Variants in PLCB1 observed in about 807,000 individuals in gnomAD.
PLCB1 encodes the protein 1-phosphatidylinositol 4,5-bisphosphate phosphodiesterase beta-1.
A neutral mutation model predicts 161.8 loss-of-function variants in PLCB1; 46 were observed. The ratio of observed to expected loss-of-function variants is 0.28; its 90% CI spans 0.22 to 0.36. The LOEUF (loss-of-function observed/expected upper bound fraction) is 0.36, where lower values mean the gene tolerates loss of function less well. Among genes scored for constraint, PLCB1 ranks in the 10% least tolerant of loss-of-function variants. PLCB1 has a pLI of 1.00. For synonymous variants in PLCB1, 517 were observed against 503.7 expected, an observed-to-expected ratio of 1.03 and a Z score of -0.35; for missense variants, 1,016 against 1,472.5, an observed-to-expected ratio of 0.69 and a Z score of 5.07.
At chr20:8,464,925 T>C (rs943776546) in intron 3 of PLCB1, among the ~76,000 whole-genome samples, 1 of 152,190 alleles carries the variant, frequency 6.6e-6, no homozygotes, top group Non-Finnish European at 1.5e-5. Flanking sequence ...TGGTTTTTAA[T>C]TTTAATTACC....
chr20:8,708,967 A>G (rs1282087461), intron 12 of PLCB1, among the ~76,000 whole-genome samples: 1 of 152,212 alleles, frequency 6.6e-6, no homozygotes, highest in African/African-American at 2.4e-5. Flanking sequence ...TTTTCATACC[A>G]TAGTATGGTT....
chr20:8,805,795 A>G (rs1164403355), intron 31 of PLCB1, among the ~76,000 whole-genome samples: 1 of 152,200 alleles, frequency 6.6e-6, no homozygotes, highest in African/African-American at 2.4e-5. Flanking sequence ...TATGATCTAG[A>G]TGTCAAAGTA....
chr20:8,383,617 C>A (rs1416976374), intron 3 of PLCB1, among the ~76,000 whole-genome samples: 1 of 152,170 alleles, frequency 6.6e-6, no homozygotes, highest in Admixed American at 6.5e-5. Flanking sequence ...GATGCAGTTT[C>A]TTCATAGTGT....
chr20:8,360,447 A>G (rs937251422), intron 2 of PLCB1, among the ~76,000 whole-genome samples: 6 of 152,146 alleles, frequency 3.9e-5, no homozygotes, highest in African/African-American at 1.4e-4. Context: ...TTTTTCAATC[A>G]TTCATAGTTC....
At chr20:8,878,820 G>C (rs1987870958) in intron 31 of PLCB1, among the ~76,000 whole-genome samples, 1 of 151,388 alleles carries the variant, frequency 6.6e-6, no homozygotes, top group Non-Finnish European at 1.5e-5. Context: ...GAAGGTACAT[G>C]TACAGGTTTG....
intron 10 of PLCB1, among the ~76,000 whole-genome samples, chr20:8,690,559 T>C (rs1358848510): frequency 6.6e-6 from 1 of 152,132 alleles, no homozygotes; most frequent in African/African-American, 2.4e-5. Context: ...TGGGTGGCAG[T>C]AGTTGGTCCA....
chr20:8,147,102 G>C (rs1236344803), intron 1 of PLCB1, among the ~76,000 whole-genome samples: 3 of 152,190 alleles, frequency 2.0e-5, no homozygotes, highest in Non-Finnish European at 2.9e-5. Flanking sequence ...ACCTATTGTA[G>C]GCCTACATCC....
chr20:8,750,953 T>TTTTTTTG (rs1981435750), intron 23 of PLCB1: 1 of 849,578 alleles, frequency 1.2e-6, no homozygotes, highest in African/African-American at 1.9e-5. Flanking sequence ...TTTTTTTTTT[T>TTTTTTTG]GAGACGGAGT....
In PLCB1 at chr20:8,392,509, A is replaced by T. The variant is rs539200835; in HGVS notation, c.246+21059A>T. On this transcript the variant is annotated intron_variant, in intron 3 of 31. Transcript: ENST00000338037. The stretch of plus-strand genomic sequence containing the variant: ...CTGATGGAATAACCTGGGTAGAGTC[A>T]TACCATCTTTTAGGAATCTCACCTT... 7.9e-5 allele frequency among the ~76,000 whole-genome samples: 12 copies of T among 152,298 alleles called. No individual in the cohort carries two copies. In the South Asian group the frequency reaches 1.7e-3, roughly 21 times the overall value.
At chr20:8,601,363 T>C (rs1337349189) in intron 3 of PLCB1, among the ~76,000 whole-genome samples, 1 of 152,150 alleles carries the variant, frequency 6.6e-6, no homozygotes, top group Non-Finnish European at 1.5e-5. Context: ...CTTGATCCTC[T>C]TTCTCCTCCC....
chr20:8,252,798 A>C (rs6086377), intron 2 of PLCB1, among the ~76,000 whole-genome samples: 51,595 of 151,738 alleles, frequency 0.34, 8,819 homozygotes, highest in East Asian at 0.44. Context: ...AGGGAACAGC[A>C]TTAAGCTATG....
intron 3 of PLCB1, among the ~76,000 whole-genome samples, chr20:8,612,353 T>A (rs1024724004): frequency 6.6e-6 from 1 of 152,278 alleles, no homozygotes; most frequent in South Asian, 2.1e-4. Context: ...TGGGATTCTA[T>A]GACATAAAGA....
intron 3 of PLCB1, among the ~76,000 whole-genome samples, chr20:8,580,180 C>T (rs1986789748): frequency 6.6e-6 from 1 of 152,164 alleles, no homozygotes; most frequent in Admixed American, 6.5e-5. Context: ...CTTCCAGTGT[C>T]AGCGAACTCC....
chr20:8,818,090 C>T (rs1463946496), intron 31 of PLCB1, among the ~76,000 whole-genome samples: 6 of 152,030 alleles, frequency 3.9e-5, no homozygotes, highest in South Asian at 4.2e-4. Flanking sequence ...GAGGTGAGAG[C>T]AAATAGGTAC....
chr20:8,291,540 A>G (rs1235958984), intron 2 of PLCB1, among the ~76,000 whole-genome samples: 2 of 152,222 alleles, frequency 1.3e-5, no homozygotes, highest in Non-Finnish European at 2.9e-5. Flanking sequence ...TATAGACACT[A>G]CAGACAACGA....
At chr20:8,252,674 A>G (rs1444683158) in intron 2 of PLCB1, among the ~76,000 whole-genome samples, 1 of 151,904 alleles carries the variant, frequency 6.6e-6, no homozygotes, top group African/African-American at 2.4e-5. Context: ...GGCAAATTGA[A>G]TTCTCACTTG....
chr20:8,833,757 G>C (rs542929852), intron 31 of PLCB1, among the ~76,000 whole-genome samples: 1 of 152,268 alleles, frequency 6.6e-6, no homozygotes, highest in Admixed American at 6.5e-5. Context: ...CTCAATTTTT[G>C]GTAAGTCAAT....
At chr20:8,749,376 C>A (rs1233702872) in intron 23 of PLCB1, among the ~76,000 whole-genome samples, 1 of 152,180 alleles carries the variant, frequency 6.6e-6, no homozygotes, top group African/African-American at 2.4e-5. Context: ...AGCTTAATCA[C>A]AGAAACCTGG....
At chr20:8,331,296 T>C in intron 2 of PLCB1, among the ~76,000 whole-genome samples, 1 of 151,610 alleles carries the variant, frequency 6.6e-6, no homozygotes. Flanking sequence ...CCTGCTACCA[T>C]ATTCTCAAGG....
Sources: allele counts gnomAD v4.1 joint callset (sites outside exome capture counted in the v4.1 genomes callset), GRCh38; gene constraint gnomAD v4.1.1; transcripts MANE v1.5; gene names NCBI Gene and HGNC (gene_info 2026-07-23, HGNC 2026-07-21).